METTL14: variants seen among roughly 807,000 people sequenced by gnomAD.
METTL14 encodes the protein N(6)-adenosine-methyltransferase non-catalytic subunit METTL14.
METTL14 carries 32 observed loss-of-function variants against 62.4 expected under a neutral mutation model. The observed-to-expected ratio is 0.51, with a 90% CI of 0.39 to 0.69. The LOEUF (loss-of-function observed/expected upper bound fraction) is 0.69. METTL14 is among the 30% of genes least tolerant of loss of function. The pLI, the probability that METTL14 is intolerant of heterozygous loss-of-function variation, is 0.00. For synonymous variants in METTL14, 150 were observed against 180.0 expected, an observed-to-expected ratio of 0.83 and a Z score of 1.34; for missense variants, 340 against 551.9, an observed-to-expected ratio of 0.62 and a Z score of 3.85.
chr4:118,704,484 A>G (rs1434867162), intron 9 of METTL14, among the ~76,000 whole-genome samples: 2 of 152,108 alleles, frequency 1.3e-5, no homozygotes, highest in Admixed American at 6.5e-5. Context: ...TGCTAGTATC[A>G]GGCTTTAACA....
chr4:118,691,454 A>G, intron 3 of METTL14, 78 bp from the exon 4 acceptor site: 1 of 718,078 alleles, frequency 1.4e-6, no homozygotes, highest in Non-Finnish European at 2.2e-6. Context: ...GAAATAAAAT[A>G]TGTTGAGTTT....
chr4:118,686,306 T>G (rs1724057283), intron 1 of METTL14, among the ~76,000 whole-genome samples: 1 of 152,242 alleles, frequency 6.6e-6, no homozygotes, highest in African/African-American at 2.4e-5. Context: ...CTTCACTTCT[T>G]TCTTGTGTAT....
chr4:118,685,991 A>G (rs1579062431), intron 1 of METTL14, among the ~76,000 whole-genome samples: 1 of 152,242 alleles, frequency 6.6e-6, no homozygotes, highest in East Asian at 1.9e-4. Context: ...TTGTGGTTTC[A>G]TTATGAAATA....
intron 10 of METTL14, among the ~76,000 whole-genome samples, chr4:118,709,696 C>G (rs1268754869): frequency 6.6e-6 from 1 of 152,184 alleles, no homozygotes; most frequent in Non-Finnish European, 1.5e-5. Flanking sequence ...TACAGTTTCA[C>G]TAAACCCAAA....
Position 118,685,427 on chromosome 4 carries a change from T to C in METTL14, c.-108T>C, listed in dbSNP as rs1579061817. The C allele has an allele frequency of 8.8e-7, 1 of 1,133,962 alleles. No homozygotes were observed. The highest frequency in any genetic ancestry group is 1.3e-6 in the Non-Finnish European group (1 of 750,002). 70.2% of individuals were successfully genotyped at this position (1,133,962 alleles called of 1,614,324 possible). A position where few individuals can be genotyped will look rare whatever the true frequency, so the allele number is the denominator to read the frequency against. ...TGAGGAAAGCTATGAGGATACTCTGTTCGTAAGCTCCCGGTGAATTTTGTT... is the reference window on the plus strand; with the variant it reads ...TGAGGAAAGCTATGAGGATACTCTGCTCGTAAGCTCCCGGTGAATTTTGTT... On this transcript the variant is annotated 5_prime_UTR_variant, in exon 1 of 11. Transcript: ENST00000388822.
chr4:118,688,149 C>G, intron 2 of METTL14, 138 bp downstream of exon 2: 1 of 665,636 alleles, frequency 1.5e-6, no homozygotes, highest in Non-Finnish European at 2.5e-6. Flanking sequence ...GTACACCTGC[C>G]TTGGCCTCCC....
At chr4:118,700,720 A>C in intron 8 of METTL14, 78 bp downstream of exon 8, 1 of 918,968 alleles carries the variant, frequency 1.1e-6, no homozygotes, top group East Asian at 2.5e-5. Flanking sequence ...AGGATGTTTG[A>C]AAGTGGATGT....
At chr4:118,690,251 G>T (rs1363248096) in intron 3 of METTL14, among the ~76,000 whole-genome samples, 4 of 150,244 alleles carry the variant, frequency 2.7e-5, no homozygotes, top group Non-Finnish European at 4.4e-5. Flanking sequence ...TATTGGCCAG[G>T]CTCGTCTCGA....
chr4:118,687,802 T>C, intron 1 of METTL14, 121 bp from the exon 2 acceptor site: 1 of 671,734 alleles, frequency 1.5e-6, no homozygotes, highest in Non-Finnish European at 2.6e-6. Context: ...TGTGTGTGTG[T>C]GTGTGTGTGA....
chr4:118,697,785 G>T (rs1279181570), intron 7 of METTL14, among the ~76,000 whole-genome samples: 2 of 152,118 alleles, frequency 1.3e-5, no homozygotes, highest in South Asian at 2.1e-4. Flanking sequence ...TTGATTAAAC[G>T]ATGGAGTCCT....
In METTL14 at chr4:118,710,601, T is replaced by A. The variant is rs1175874887; in HGVS notation, c.*299T>A. The A allele has an allele frequency of 4.2e-6, 1 of 237,088 alleles. No individual in the cohort carries two copies. The highest frequency in any genetic ancestry group is 5.1e-5 in the Admixed American group (1 of 19,468). 14.7% of individuals were successfully genotyped at this position (237,088 alleles called of 1,614,324 possible). On this transcript the variant is annotated 3_prime_UTR_variant, in exon 11 of 11. Coordinates refer to ENST00000388822, the MANE Select transcript of METTL14 (RefSeq NM_020961.4). The stretch of plus-strand genomic sequence containing the variant: ...ATAGACTTCAGCTAATTACAAAGGA[T>A]TTTGCTAATTTTTGGGAATAAATAA...
At chr4:118,695,100 G>A (rs537982349) in intron 6 of METTL14, among the ~76,000 whole-genome samples, 1 of 152,046 alleles carries the variant, frequency 6.6e-6, no homozygotes. Flanking sequence ...AAAATGCTGG[G>A]ATTACAGGCA....
intron 7 of METTL14, among the ~76,000 whole-genome samples, chr4:118,700,011 A>G (rs1724539577): frequency 6.6e-6 from 1 of 152,056 alleles, no homozygotes; most frequent in South Asian, 2.1e-4. Context: ...TAACTTTTAG[A>G]ATTAGTGTCA....
chr4:118,685,632 A>C (rs1209067644), intron 1 of METTL14, 32 bp downstream of exon 1: 1 of 1,605,722 alleles, frequency 6.2e-7, no homozygotes, highest in South Asian at 1.1e-5. Context: ...TGTGGGAGGG[A>C]TCGAGAATGC....
rs998903473 is a variant in METTL14, at chr4:118,685,394, GTC to G, written c.-137_-136del. On this transcript the variant is annotated 5_prime_UTR_variant, in exon 1 of 11. Coordinates refer to ENST00000388822, the MANE Select transcript of METTL14 (RefSeq NM_020961.4). ...CGAGCCAATTCCGGCCGCGCCGGAA[GTC>G]TCTACTGAGGAAAGCTATGAGGATA... 8.5e-6 allele frequency: 7 copies of G among 827,638 alleles called. No homozygotes were observed. The highest frequency in any genetic ancestry group is 1.7e-5 in the African/African-American group (1 of 58,928). The allele number at this position is 827,638 out of a possible 1,614,324, so 51.3% of individuals were successfully genotyped here.
chr4:118,698,211 T>A (rs1433647009), intron 7 of METTL14, among the ~76,000 whole-genome samples: 1 of 151,856 alleles, frequency 6.6e-6, no homozygotes, highest in Non-Finnish European at 1.5e-5. Context: ...TCCCAGCACT[T>A]TGGGAGGCCG....
intron 3 of METTL14, 35 bp from the exon 4 acceptor site, chr4:118,691,497 T>C (rs751095925): frequency 3.8e-5 from 46 of 1,217,098 alleles, no homozygotes; most frequent in Non-Finnish European, 5.0e-5. Context: ...TAACCCCTAT[T>C]TGTAAAATAT....
At position 118,694,544 on chromosome 4, in the gene METTL14, A is replaced by T; in HGVS notation, c.503+18A>T. On this transcript the variant is annotated intron_variant, in intron 6 of 10. Transcript: ENST00000388822. ...CCTCCCATGTAAGTGTTTTTATTCA[A>T]TTACTGTTTATTCCCAACTCAGGCT... 6.4e-7 allele frequency: 1 copy of T among 1,550,474 alleles called. No homozygotes were observed.
chr4:118,707,838 A>AT (rs752501219), intron 10 of METTL14, among the ~76,000 whole-genome samples: 4,560 of 141,760 alleles, frequency 0.032, 80 homozygotes, highest in Non-Finnish European at 0.042. Context: ...AAGCCAGACA[A>AT]TTTTTTTTTT....
Sources: allele counts gnomAD v4.1 joint callset (sites outside exome capture counted in the v4.1 genomes callset), GRCh38; gene constraint gnomAD v4.1.1; transcripts MANE v1.5; gene names NCBI Gene and HGNC (gene_info 2026-07-23, HGNC 2026-07-21).